The following SERPINE3 variants were observed in gnomAD, a reference collection of about 807,000 sequenced individuals.
The protein encoded by SERPINE3 is serpin E3.
A neutral mutation model predicts 41.7 loss-of-function variants in SERPINE3; 43 were observed. The ratio of observed to expected loss-of-function variants is 1.03; its 90% confidence interval spans 0.81 to 1.33. The LOEUF (loss-of-function observed/expected upper bound fraction) is 1.33, where lower values mean the gene tolerates loss of function less well. SERPINE3 is among the 40% of genes most tolerant of loss of function. SERPINE3 has a pLI of 0.00. For missense variants in SERPINE3, 440 were observed against 491.7 expected (o/e 0.89, Z 0.99); for synonymous variants, 200 against 192.2 (o/e 1.04, Z -0.34).
At chr13:51,340,995 G>A in intron 2 of SERPINE3, 80 bp from the exon 3 acceptor site, 1 of 1,411,422 alleles carries the variant, frequency 7.1e-7, no homozygotes, top group Non-Finnish European at 9.7e-7. Context: ...AGAGCTGGGG[G>A]TCCCAGTCCT....
intron 3 of SERPINE3, 41 bp from the exon 4 acceptor site, chr13:51,344,209 TCA>T (rs1666688781): frequency 6.9e-7 from 1 of 1,457,236 alleles, no homozygotes; most frequent in Non-Finnish European, 9.6e-7. Flanking sequence ...AACTCCTTAC[TCA>T]CACTCACCAT....
rs1955287784 is a variant in SERPINE3 at position 51,341,272 on chromosome 13, C to G, written c.181C>G (p.Leu61Val). The change falls in exon 3 of 10, where the codon CTG becomes GTG. Residue 61 changes from leucine (L) to valine (V), a missense_variant. Coordinates refer to ENST00000681248, the MANE Select transcript of SERPINE3 (RefSeq NM_001386375.1). ...VISPAGVSLP[L>V]EILQFGAEGS... ...CTCTCCTGCTGGTGTGTCCCTCCCC[C>G]TGGAGATCCTGCAGTTTGGAGCAGA... 1.9e-6 allele frequency: 3 copies of G among 1,613,974 alleles called. No homozygotes were observed. Among genetic ancestry groups the G allele is most frequent in the South Asian group, 1.1e-5 (1 of 91,060 alleles).
chr13:51,357,964 T>C (rs1955505998), intron 7 of SERPINE3, among the ~76,000 whole-genome samples: 1 of 152,138 alleles, frequency 6.6e-6, no homozygotes, highest in African/African-American at 2.4e-5. Flanking sequence ...AAACCAGAGT[T>C]GTTTGGTTGA....
At chr13:51,344,825 C>G (rs1955330376) in intron 4 of SERPINE3, among the ~76,000 whole-genome samples, 1 of 152,192 alleles carries the variant, frequency 6.6e-6, no homozygotes. Context: ...CGACTGAGCT[C>G]TGCTCTCATT....
rs576961412 is a variant in SERPINE3, at chr13:51,348,157, G to A, written c.701-56G>A. On this transcript the variant is annotated intron_variant, in intron 5 of 9. Coordinates refer to ENST00000681248, the MANE Select transcript of SERPINE3 (RefSeq NM_001386375.1). ...CCAGCCTCTCTCAGGGTCCGACACT[G>A]GTTCATTCTCCTGGCTCCTGGGACA... 13 of 1,371,828 alleles carry A rather than the reference G, an allele frequency of 9.5e-6. 2 individuals carry two copies. The South Asian group carries it at 1.1e-4, about 11-fold the overall frequency. The allele number at this position is 1,371,828 out of a possible 1,614,324, so 85.0% of individuals were successfully genotyped here.
chr13:51,353,501 G>T (rs1245383948), intron 6 of SERPINE3, among the ~76,000 whole-genome samples: 1 of 152,156 alleles, frequency 6.6e-6, no homozygotes, highest in Non-Finnish European at 1.5e-5. Flanking sequence ...TAGTTTGCAG[G>T]TAGTTACTTG....
At chr13:51,361,414 T>C in intron 8 of SERPINE3, 50 bp downstream of exon 8, 1 of 1,142,574 alleles carries the variant, frequency 8.8e-7, no homozygotes, top group Non-Finnish European at 1.3e-6. Flanking sequence ...TCTACCTTTC[T>C]GAAATTTACC....
chr13:51,364,133 A>C, intron 9 of SERPINE3, 106 bp from the exon 10 acceptor site: 1 of 502,654 alleles, frequency 2.0e-6, no homozygotes, highest in Non-Finnish European at 3.4e-6. Context: ...CCATCTATTA[A>C]ATGTTATCTT....
intron 4 of SERPINE3, 24 bp downstream of exon 4, chr13:51,344,509 A>G: frequency 1.3e-6 from 2 of 1,531,266 alleles, no homozygotes; most frequent in Non-Finnish European, 1.8e-6. Context: ...GTACATTTCA[A>G]CAAGGCTAAG....
chr13:51,364,146 A>C (rs966680637), intron 9 of SERPINE3, 93 bp from the exon 10 acceptor site: 1 of 551,510 alleles, frequency 1.8e-6, no homozygotes, highest in Admixed American at 3.7e-5. Context: ...GTTATCTTGC[A>C]TTACTTAAAA....
chr13:51,350,352 A>G (rs1955392609), intron 6 of SERPINE3, among the ~76,000 whole-genome samples: 1 of 152,226 alleles, frequency 6.6e-6, no homozygotes, highest in African/African-American at 2.4e-5. Context: ...GGAATAATCA[A>G]GAAAACCAAG....
chr13:51,357,884 A>G (rs550284764), intron 7 of SERPINE3, among the ~76,000 whole-genome samples: 25 of 152,248 alleles, frequency 1.6e-4, no homozygotes, highest in African/African-American at 4.8e-4. Flanking sequence ...CTTGGCTTTT[A>G]TAAGTAGGTA....
chr13:51,361,953 G>A (rs1349106919), intron 9 of SERPINE3, 60 bp downstream of exon 9: 1 of 1,611,428 alleles, frequency 6.2e-7, no homozygotes, highest in Non-Finnish European at 8.5e-7. Context: ...TAGCAACAAG[G>A]GCTCATTTGT....
intron 9 of SERPINE3, chr13:51,363,630 C>T (rs1040316438): frequency 1.3e-5 from 2 of 152,044 alleles, no homozygotes; most frequent in Non-Finnish European, 1.5e-5. Context: ...ATTTCCCTTC[C>T]CCTTTGACAA....
At position 51,355,196 on chromosome 13, in the gene SERPINE3, A is replaced by G; in HGVS notation, c.1000+53A>G. ...CTAGCCGTGTATTTGGGGCAGTTTT[A>G]TCATACTTTGATTAAGGGATTCTCA... On this transcript the variant is annotated intron_variant, in intron 7 of 9. Coordinates refer to ENST00000681248, the MANE Select transcript of SERPINE3 (RefSeq NM_001386375.1). The G allele has an allele frequency of 4.0e-6, 3 of 749,270 alleles. No individual in the cohort carries two copies. The South Asian group carries it at 5.3e-5, about 13-fold the overall frequency. The allele number at this position is 749,270 out of a possible 1,614,324, so 46.4% of individuals were successfully genotyped here.
intron 6 of SERPINE3, 102 bp from the exon 7 acceptor site, chr13:51,354,941 C>A: frequency 3.1e-6 from 2 of 649,452 alleles, no homozygotes; most frequent in Non-Finnish European, 2.8e-6. Context: ...TCTGGTGGAG[C>A]CAGCCTGACT....
In SERPINE3 at chr13:51,348,374, A is replaced by G. The variant is rs936349520; in HGVS notation, c.862A>G (p.Ser288Gly). Residue 288 changes from serine to glycine, a missense_variant, in exon 6 of 10, where the codon AGC becomes GGC. By Grantham distance (56) the Ser-to-Gly change is moderately conservative. Transcript: ENST00000681248. ...TASTIHLWTT[S>G]LRRARMDVFL... The stretch of plus-strand genomic sequence containing the variant: ...CAGCACCATCCACCTCTGGACCACC[A>G]GCCTGAGGAGAGCCAGGATGGATGT... 1 of 1,613,900 alleles carries G rather than the reference A, an allele frequency of 6.2e-7. No homozygotes were observed. Among genetic ancestry groups the G allele is most frequent in the Non-Finnish European group, 8.5e-7 (1 of 1,179,854 alleles).
In SERPINE3 at chr13:51,341,234, C is replaced by T. The variant is rs201836433; in HGVS notation, c.143C>T (p.Thr48Met). 1.5e-5 allele frequency: 24 copies of T among 1,613,828 alleles called. No homozygotes were observed. Among genetic ancestry groups the T allele is most frequent in the Middle Eastern group, 1.6e-4 (1 of 6,084 alleles). Reference protein sequence around the residue: ...YQSVAACRNETNFVISPAGVS... With the variant: ...YQSVAACRNEMNFVISPAGVS... ...AGTGTGGCCGCGTGTAGAAATGAGACGAACTTTGTCATCTCTCCTGCTGGT... is the reference window on the plus strand; with the variant it reads ...AGTGTGGCCGCGTGTAGAAATGAGATGAACTTTGTCATCTCTCCTGCTGGT... Residue 48 changes from threonine (T) to methionine (M), a missense_variant, in exon 3 of 10, where the codon ACG (threonine) becomes ATG (methionine). Coordinates refer to ENST00000681248, the MANE Select transcript of SERPINE3 (RefSeq NM_001386375.1).
chr13:51,354,065 G>T (rs1025522610), intron 6 of SERPINE3: 4 of 152,096 alleles, frequency 2.6e-5, no homozygotes, highest in African/African-American at 7.2e-5. Flanking sequence ...GGCATAAAGT[G>T]CACACAGCAA....
Sources: gnomAD v4.1 joint callset for allele counts (sites outside exome capture counted in the v4.1 genomes callset) on GRCh38, gnomAD v4.1.1 for gene constraint, MANE v1.5 for transcripts, NCBI Gene and HGNC (gene_info 2026-07-23, HGNC 2026-07-21) for gene names.